ATRNL1: variants seen among roughly 807,000 people sequenced by gnomAD.
ATRNL1 encodes the protein attractin-like protein 1.
ATRNL1 carries 95 observed loss-of-function variants against 182.7 expected under a neutral mutation model. The observed-to-expected ratio is 0.52, with a 90% CI of 0.44 to 0.62. The LOEUF (loss-of-function observed/expected upper bound fraction) is 0.62, where lower values mean the gene tolerates loss of function less well. Among genes scored for constraint, ATRNL1 ranks in the 20% least tolerant of loss-of-function variants. ATRNL1 has a pLI of 0.00. For missense variants in ATRNL1, 1,471 were observed against 1,679.5 expected, an observed-to-expected ratio of 0.88 and a Z score of 2.17; for synonymous variants, 576 against 568.3, an observed-to-expected ratio of 1.01 and a Z score of -0.19.
At chr10:115,674,964 T>G (rs1217433804) in intron 26 of ATRNL1, among the ~76,000 whole-genome samples, 3 of 152,162 alleles carry the variant, frequency 2.0e-5, no homozygotes, top group Admixed American at 6.6e-5. Flanking sequence ...ATTTCTCTCC[T>G]AAAACCTTAG....
At chr10:115,154,064 G>C (rs1846379101) in intron 5 of ATRNL1, among the ~76,000 whole-genome samples, 1 of 151,072 alleles carries the variant, frequency 6.6e-6, no homozygotes, top group Non-Finnish European at 1.5e-5. Context: ...ATTGCACTGT[G>C]GTCTGAGAGA....
At chr10:115,270,112 A>G (rs1268615517) in intron 13 of ATRNL1, among the ~76,000 whole-genome samples, 1 of 151,212 alleles carries the variant, frequency 6.6e-6, no homozygotes, top group Non-Finnish European at 1.5e-5. Context: ...ATCTAATGGG[A>G]GTTATTTTAG....
chr10:115,705,697 G>A (rs1371057981), intron 26 of ATRNL1, among the ~76,000 whole-genome samples: 2 of 151,862 alleles, frequency 1.3e-5, no homozygotes, highest in East Asian at 3.9e-4. Context: ...AAATATGCAT[G>A]TCCTATAAGA....
At chr10:115,809,322 C>T (rs1026743790) in intron 27 of ATRNL1, among the ~76,000 whole-genome samples, 149 of 146,494 alleles carry the variant, frequency 1.0e-3, no homozygotes, top group African/African-American at 3.5e-3. Flanking sequence ...CTGCATTTCC[C>T]GTATAAATTT....
intron 8 of ATRNL1, among the ~76,000 whole-genome samples, chr10:115,179,258 C>T (rs1393624086): frequency 6.6e-6 from 1 of 152,086 alleles, no homozygotes; most frequent in Non-Finnish European, 1.5e-5. Context: ...TTTCCATGCC[C>T]TCTGGCTTCC....
intron 17 of ATRNL1, among the ~76,000 whole-genome samples, chr10:115,309,355 T>A (rs782522729): frequency 5.3e-5 from 8 of 152,118 alleles, no homozygotes; most frequent in Non-Finnish European, 1.2e-4. Flanking sequence ...ACCTGCAGAT[T>A]GTTTTGGGCA....
intron 5 of ATRNL1, among the ~76,000 whole-genome samples, chr10:115,154,747 T>A (rs1224022089): frequency 6.6e-6 from 1 of 152,158 alleles, no homozygotes; most frequent in African/African-American, 2.4e-5. Flanking sequence ...TTTCTTTTTC[T>A]GTCTGGATGA....
At chr10:115,443,091 G>C (rs1247072487) in intron 21 of ATRNL1, among the ~76,000 whole-genome samples, 2 of 151,856 alleles carry the variant, frequency 1.3e-5, no homozygotes, top group Non-Finnish European at 2.9e-5. Flanking sequence ...TATTCAGAAT[G>C]GAATTTTTAA....
At chr10:115,190,442 ATTCT>A (rs1396357620) in intron 8 of ATRNL1, among the ~76,000 whole-genome samples, 3 of 152,100 alleles carry the variant, frequency 2.0e-5, no homozygotes, top group Non-Finnish European at 4.4e-5. Flanking sequence ...TCTGCTTAAC[ATTCT>A]TTCACTGATG....
In ATRNL1 at chr10:115,923,888, T is replaced by C. The variant is rs187340021; in HGVS notation, c.4019-20770T>C. On this transcript the variant is annotated intron_variant, in intron 28 of 28. Transcript: ENST00000355044. ...CCCACCAACAGTGTAAAAGCGTTCC[T>C]GTTTCTCCACAGCCTCACCAGCATC... Among the ~76,000 whole-genome samples the C allele has an allele frequency of 2.8e-3, 424 of 152,322 alleles. 2 individuals carry two copies. The highest frequency in any genetic ancestry group is 4.2e-3 in the Non-Finnish European group (285 of 68,014).
chr10:115,364,763 A>C (rs1856937928), intron 19 of ATRNL1, among the ~76,000 whole-genome samples: 1 of 151,906 alleles, frequency 6.6e-6, no homozygotes, highest in South Asian at 2.1e-4. Flanking sequence ...CTTTTTCTGC[A>C]TCTATTGAGA....
chr10:115,594,556 G>A (rs1173420321), intron 26 of ATRNL1, among the ~76,000 whole-genome samples: 2 of 152,180 alleles, frequency 1.3e-5, no homozygotes, highest in Admixed American at 6.5e-5. Context: ...ACCCAGGCTG[G>A]AGTGCAGTGG....
At chr10:115,738,370 C>A (rs1367892712) in intron 27 of ATRNL1, among the ~76,000 whole-genome samples, 2 of 151,628 alleles carry the variant, frequency 1.3e-5, no homozygotes, top group African/African-American at 4.8e-5. Flanking sequence ...GAACTCCCGA[C>A]CTCAGGTAAT....
At chr10:115,368,277 G>C (rs1180100425) in intron 19 of ATRNL1, among the ~76,000 whole-genome samples, 3 of 152,224 alleles carry the variant, frequency 2.0e-5, no homozygotes, top group African/African-American at 7.2e-5. Context: ...GGGTGGGAGT[G>C]ACCCGATTTT....
chr10:115,206,750 A>C (rs1310242014), intron 8 of ATRNL1, among the ~76,000 whole-genome samples: 1 of 152,154 alleles, frequency 6.6e-6, no homozygotes, highest in African/African-American at 2.4e-5. Context: ...GGTTTGTTAC[A>C]TAGGTATACA....
intron 24 of ATRNL1, among the ~76,000 whole-genome samples, chr10:115,490,047 T>C (rs1849220633): frequency 6.6e-6 from 1 of 152,228 alleles, no homozygotes; most frequent in Admixed American, 6.5e-5. Flanking sequence ...TGTTAAATAT[T>C]AGCCCCCAGT....
intron 15 of ATRNL1, among the ~76,000 whole-genome samples, chr10:115,299,156 T>G (rs1190063952): frequency 6.6e-6 from 1 of 151,786 alleles, no homozygotes; most frequent in African/African-American, 2.4e-5. Context: ...GCTTAGTATT[T>G]TGGAAAATAA....
intron 26 of ATRNL1, among the ~76,000 whole-genome samples, chr10:115,713,607 G>T (rs1425720337): frequency 2.7e-5 from 1 of 37,398 alleles, no homozygotes; most frequent in South Asian, 1.6e-3. Context: ...TGCACATTCT[G>T]TTTATATATA....
Position 115,655,702 on chromosome 10 carries a change from CTT to C in ATRNL1, c.3796-71545_3796-71544del, listed in dbSNP as rs1226520831. On this transcript the variant is annotated intron_variant, in intron 26 of 28. Transcript: ENST00000355044. ...TTTTTCCATATATTAATGAATAAAA[CTT>C]AAAATAAAACTTAAAATTAATTCAA... is the stretch of plus-strand genomic sequence containing the variant. 4.6e-5 allele frequency among the ~76,000 whole-genome samples: 7 copies of C among 152,186 alleles called. No homozygotes were observed. In the South Asian group the frequency reaches 6.2e-4, roughly 14 times the overall value.
Sources: allele counts gnomAD v4.1 joint callset (sites outside exome capture counted in the v4.1 genomes callset), GRCh38; gene constraint gnomAD v4.1.1; transcripts MANE v1.5; gene names NCBI Gene and HGNC (gene_info 2026-07-23, HGNC 2026-07-21).